Variants in QKI observed in about 807,000 individuals in gnomAD.
QKI encodes KH domain-containing RNA-binding protein QKI.
A neutral mutation model predicts 39.0 loss-of-function variants in QKI; 10 were observed. The ratio of observed to expected loss-of-function variants is 0.26; its 90% CI spans 0.16 to 0.43. QKI has a LOEUF of 0.43. Ranked by LOEUF, QKI falls within the 20% of genes least tolerant of loss-of-function variation. QKI has a pLI of 1.00. For missense variants in QKI, 218 were observed against 428.0 expected (o/e 0.51, Z 4.33); for synonymous variants, 204 against 155.4 (o/e 1.31, Z -2.33).
intron 2 of QKI, among the ~76,000 whole-genome samples, chr6:163,456,710 A>G (rs1410899399): frequency 1.3e-5 from 2 of 152,156 alleles, no homozygotes; most frequent in African/African-American, 4.8e-5. Context: ...CAAATACACA[A>G]ATAGTCTTGG....
chr6:163,421,740 TTTC>T (rs1017670724), intron 1 of QKI, among the ~76,000 whole-genome samples: 6 of 151,898 alleles, frequency 4.0e-5, no homozygotes, highest in Admixed American at 6.6e-5. Flanking sequence ...AGCTCTTTTA[TTTC>T]TTTTTTCTTT....
At chr6:163,468,045 C>T (rs1219362490) in intron 2 of QKI, among the ~76,000 whole-genome samples, 3 of 152,184 alleles carry the variant, frequency 2.0e-5, no homozygotes, top group Non-Finnish European at 4.4e-5. Flanking sequence ...ACTCTTCTCT[C>T]ATCTTACATA....
intron 2 of QKI, among the ~76,000 whole-genome samples, chr6:163,466,568 C>G (rs1791771809): frequency 6.6e-6 from 1 of 152,076 alleles, no homozygotes; most frequent in Non-Finnish European, 1.5e-5. Flanking sequence ...AGAAATAAAC[C>G]TATGAATATA....
At position 163,506,166 on chromosome 6, in the gene QKI, T is replaced by C. The variant is rs565369649; in HGVS notation, c.402+27270T>C. ...CCAGCCATGCAGAACTGTGAGTCAA[T>C]TAAACTACTTTTGTTTATAAATTAC... On this transcript the variant is annotated intron_variant, in intron 3 of 7. Coordinates refer to ENST00000361752, the MANE Select transcript of QKI (RefSeq NM_006775.3). Among the ~76,000 whole-genome samples, 16 of 151,128 alleles carry C rather than the reference T, an allele frequency of 1.1e-4. No homozygotes were observed. In the East Asian group the frequency reaches 3.2e-3, roughly 30 times the overall value.
intron 3 of QKI, among the ~76,000 whole-genome samples, chr6:163,506,438 C>G (rs2128233586): frequency 6.6e-6 from 1 of 151,694 alleles, no homozygotes; most frequent in Admixed American, 6.5e-5. Flanking sequence ...TCTGTAACCA[C>G]AGGAAATTGC....
At chr6:163,508,482 A>T (rs1242675695) in intron 3 of QKI, among the ~76,000 whole-genome samples, 8 of 151,944 alleles carry the variant, frequency 5.3e-5, no homozygotes, top group Non-Finnish European at 1.2e-4. Flanking sequence ...AGAAGAGAGT[A>T]AAATATCTTT....
chr6:163,519,973 C>T lies in QKI; in HGVS notation c.403-15009C>T, dbSNP rs568831820. Among the ~76,000 whole-genome samples the T allele has an allele frequency of 5.3e-5, 8 of 152,182 alleles. No homozygotes were observed. In the South Asian group the frequency reaches 1.7e-3, roughly 32 times the overall value. On this transcript the variant is annotated intron_variant, in intron 3 of 7. Transcript: ENST00000361752. ...TTACTTTTTGTCTTAGGAAACATGG[C>T]TTTAAGCACTAGTGGACAAGTAACG...
At chr6:163,569,479 A>G in intron 7 of QKI, 1 of 1,277,076 alleles carries the variant, frequency 7.8e-7, no homozygotes, top group East Asian at 5.8e-5. Context: ...AAACCTCAGA[A>G]TATAGTAGAA....
At chr6:163,568,036 G>C (rs1057191327) in intron 7 of QKI, 66 of 985,154 alleles carry the variant, frequency 6.7e-5, no homozygotes, top group Non-Finnish European at 8.0e-5. Context: ...AACAGTGATT[G>C]TTCAGTGAAC....
intron 1 of QKI, among the ~76,000 whole-genome samples, chr6:163,417,025 A>G (rs1239210660): frequency 6.6e-6 from 1 of 152,210 alleles, no homozygotes; most frequent in Non-Finnish European, 1.5e-5. Flanking sequence ...AAAATGTGTA[A>G]CATACTCAAT....
chr6:163,495,207 G>A (rs1411137077), intron 3 of QKI, among the ~76,000 whole-genome samples: 1 of 152,106 alleles, frequency 6.6e-6, no homozygotes, highest in African/African-American at 2.4e-5. Flanking sequence ...GAGCCACCGC[G>A]CTTGGCCTAA....
At chr6:163,516,087 G>A (rs1267207262) in intron 3 of QKI, among the ~76,000 whole-genome samples, 1 of 152,026 alleles carries the variant, frequency 6.6e-6, no homozygotes, top group East Asian at 1.9e-4. Flanking sequence ...AGGATGTTAA[G>A]GTAAATTAAG....
chr6:163,473,295 G>A (rs1792342878), intron 2 of QKI, among the ~76,000 whole-genome samples: 3 of 152,104 alleles, frequency 2.0e-5, no homozygotes, highest in African/African-American at 2.4e-5. Context: ...GTAGAACCAC[G>A]TAAGACTAAC....
chr6:163,534,881 G>T, intron 3 of QKI, 101 bp from the exon 4 acceptor site: 2 of 994,862 alleles, frequency 2.0e-6, no homozygotes, highest in South Asian at 3.0e-5. Context: ...GCAAAATAAT[G>T]CAAACATAGC....
intron 3 of QKI, among the ~76,000 whole-genome samples, chr6:163,482,096 G>A (rs1793114893): frequency 6.6e-6 from 1 of 152,030 alleles, no homozygotes; most frequent in South Asian, 2.1e-4. Context: ...GAGGAGGGAG[G>A]ATGCTTGAGC....
chr6:163,519,044 C>G (rs1411402246), intron 3 of QKI, among the ~76,000 whole-genome samples: 1 of 152,070 alleles, frequency 6.6e-6, no homozygotes, highest in Non-Finnish European at 1.5e-5. Context: ...AGTCACTGGA[C>G]TTTCTGTTCA....
At chr6:163,509,991 A>G (rs894234377) in intron 3 of QKI, among the ~76,000 whole-genome samples, 2 of 151,968 alleles carry the variant, frequency 1.3e-5, no homozygotes, top group Non-Finnish European at 2.9e-5. Flanking sequence ...AGATGGGCCA[A>G]TTGCCCTGAG....
intron 1 of QKI, among the ~76,000 whole-genome samples, chr6:163,422,201 C>T (rs1009358945): frequency 6.6e-6 from 1 of 152,118 alleles, no homozygotes; most frequent in African/African-American, 2.4e-5. Flanking sequence ...TTAATGTTTT[C>T]GTCTTCAGTT....
chr6:163,525,707 T>C (rs1780469470), intron 3 of QKI, among the ~76,000 whole-genome samples: 1 of 152,176 alleles, frequency 6.6e-6, no homozygotes, highest in African/African-American at 2.4e-5. Context: ...AATTGTAATC[T>C]TGATTATGTT....
Sources: allele counts gnomAD v4.1 joint callset (sites outside exome capture counted in the v4.1 genomes callset), GRCh38; gene constraint gnomAD v4.1.1; transcripts MANE v1.5; gene names NCBI Gene and HGNC (gene_info 2026-07-23, HGNC 2026-07-21).